Variants in SMIM23 observed in about 807,000 individuals in gnomAD.
SMIM23 encodes the protein small integral membrane protein 23.
Under a neutral mutation model 12.8 loss-of-function variants are expected in SMIM23, and 10 were observed. The observed-to-expected ratio is 0.78, with a 90% CI of 0.48 to 1.32. The LOEUF is 1.32. Ranked by LOEUF, SMIM23 falls within the 40% of genes most tolerant of loss-of-function variation. The pLI, the probability that SMIM23 is intolerant of heterozygous loss-of-function variation, is 0.00. For missense variants in SMIM23, 184 were observed against 198.2 expected, an observed-to-expected ratio of 0.93 and a Z score of 0.43; for synonymous variants, 78 against 80.1, an observed-to-expected ratio of 0.97 and a Z score of 0.14.
chr5:171,777,239 T>C, the SMIM23 span, among the ~76,000 whole-genome samples: 1 of 152,156 alleles, frequency 6.6e-6, no homozygotes. Context: ...CCTAGAACAA[T>C]AACAGCGGAA....
intron 1 of SMIM23, among the ~76,000 whole-genome samples, 156 bp from the exon 2 acceptor site, chr5:171,790,074 A>G (rs1421670297): frequency 6.6e-6 from 1 of 152,232 alleles, no homozygotes; most frequent in East Asian, 1.9e-4. Flanking sequence ...GGAGTTTTGT[A>G]GTAAGTAAGT....
upstream of SMIM23, among the ~76,000 whole-genome samples, chr5:171,780,135 C>T (rs1441261309): frequency 6.6e-6 from 1 of 152,122 alleles, no homozygotes; most frequent in Non-Finnish European, 1.5e-5. Flanking sequence ...AGGTTTGGGG[C>T]AGATTTCTCC....
chr5:171,784,393 T>C (rs1480184480), upstream of SMIM23, among the ~76,000 whole-genome samples: 2 of 151,924 alleles, frequency 1.3e-5, no homozygotes, highest in African/African-American at 2.4e-5. Context: ...TAGTCCCAGA[T>C]ACTCGGGAGG....
At chr5:171,788,814 T>C (rs1755865529) in intron 1 of SMIM23, among the ~76,000 whole-genome samples, 1 of 152,198 alleles carries the variant, frequency 6.6e-6, no homozygotes, top group Non-Finnish European at 1.5e-5. Flanking sequence ...AACAAAATCT[T>C]GATACCAAAA....
chr5:171,782,016 T>C (rs575629955), upstream of SMIM23, among the ~76,000 whole-genome samples: 72 of 152,362 alleles, frequency 4.7e-4, no homozygotes, highest in African/African-American at 1.7e-3. Context: ...GAATAAAAGC[T>C]GGCCTCTGCA....
chr5:171,782,029 C>T (rs558142031), upstream of SMIM23, among the ~76,000 whole-genome samples: 1 of 152,352 alleles, frequency 6.6e-6, no homozygotes, highest in East Asian at 1.9e-4. Flanking sequence ...CCTCTGCAGC[C>T]AGCAGTGGCA....
At chr5:171,785,610 T>C (rs780675285), upstream of SMIM23, among the ~76,000 whole-genome samples, 3 of 152,150 alleles carry the variant, frequency 2.0e-5, no homozygotes, top group Non-Finnish European at 4.4e-5. Flanking sequence ...TAGAAGAAAA[T>C]AATCAGAAAA....
At chr5:171,785,417 T>G (rs188074574), upstream of SMIM23, among the ~76,000 whole-genome samples, 266 of 149,610 alleles carry the variant, frequency 1.8e-3, 1 homozygote, top group Non-Finnish European at 2.8e-3. Flanking sequence ...TTTTTTTTTG[T>G]AATTTTTTAA....
chr5:171,783,370 G>GA (rs1755759554), upstream of SMIM23, among the ~76,000 whole-genome samples: 1 of 152,282 alleles, frequency 6.6e-6, no homozygotes, highest in African/African-American at 2.4e-5. Flanking sequence ...AACAAAGTGG[G>GA]AAAAATCACT....
rs1755810357 is a variant in SMIM23 at position 171,785,992 on chromosome 5, G to A, written c.105+16G>A. ...CGAGAAGCAGGTGAGGCCAGGCCAG[G>A]TACATGCTGCTTTCCTCCCATCTGG... is the stretch of plus-strand genomic sequence containing the variant. On this transcript the variant is annotated intron_variant, in intron 1 of 3. Transcript: ENST00000523047. 1 of 1,529,430 alleles carries A rather than the reference G, an allele frequency of 6.5e-7. No individual in the cohort carries two copies. Among genetic ancestry groups the A allele is most frequent in the Non-Finnish European group, 8.8e-7 (1 of 1,140,608 alleles). 94.7% of individuals were successfully genotyped at this position (1,529,430 alleles called of 1,614,324 possible).
At chr5:171,790,115 C>A in intron 1 of SMIM23, 115 bp from the exon 2 acceptor site, 2 of 1,033,122 alleles carry the variant, frequency 1.9e-6, no homozygotes, top group South Asian at 1.5e-5. Context: ...AAAAGTTAAA[C>A]TCAAAAAACT....
At chr5:171,774,555 G>C in the SMIM23 span, 7 of 456,094 alleles carry the variant, frequency 1.5e-5, 1 homozygote, top group South Asian at 1.1e-4. Context: ...GTTCCTTGCG[G>C]GTTTATCTTG....
At chr5:171,777,582 A>T (rs1158417284), upstream of SMIM23, among the ~76,000 whole-genome samples, 1 of 152,216 alleles carries the variant, frequency 6.6e-6, no homozygotes, top group Non-Finnish European at 1.5e-5. Flanking sequence ...CAGAACCTGG[A>T]GGCAGCAGGC....
the SMIM23 span, chr5:171,774,708 G>A: frequency 2.4e-6 from 1 of 421,108 alleles, no homozygotes; most frequent in African/African-American, 2.1e-5. Flanking sequence ...GAGTTTCATG[G>A]TGTTCCTTAT....
At chr5:171,773,942 A>G in the SMIM23 span, 8 of 424,228 alleles carry the variant, frequency 1.9e-5, no homozygotes, top group Non-Finnish European at 3.3e-5. Context: ...GGTGGGGCTC[A>G]TGCCAGGCCT....
At chr5:171,787,547 A>G (rs1755841560) in intron 1 of SMIM23, among the ~76,000 whole-genome samples, 3 of 152,244 alleles carry the variant, frequency 2.0e-5, no homozygotes, top group Admixed American at 6.5e-5. Context: ...GGTTAGACAC[A>G]TAGAAGAGCT....
chr5:171,773,832 C>T, the SMIM23 span: 2 of 456,310 alleles, frequency 4.4e-6, no homozygotes, highest in Non-Finnish European at 8.8e-6. Flanking sequence ...TATGAGAAAG[C>T]TCCTAATTTT....
At chr5:171,782,996 ACATTGAT>A (rs1466430558), upstream of SMIM23, among the ~76,000 whole-genome samples, 1 of 152,236 alleles carries the variant, frequency 6.6e-6, no homozygotes, top group African/African-American at 2.4e-5. Flanking sequence ...AAAATGTGGA[ACATTGAT>A]GATTTCTTAA....
chr5:171,774,231 T>TGCAG, the SMIM23 span: 2 of 363,140 alleles, frequency 5.5e-6, no homozygotes, highest in Non-Finnish European at 1.1e-5. Context: ...ATCGATGGCA[T>TGCAG]GCAGCTCTGT....
Sources: allele counts gnomAD v4.1 joint callset (sites outside exome capture counted in the v4.1 genomes callset), GRCh38; gene constraint gnomAD v4.1.1; transcripts MANE v1.5; gene names NCBI Gene and HGNC (gene_info 2026-07-23, HGNC 2026-07-21).